SEPTIN10: variants seen among roughly 807,000 people sequenced by gnomAD.
SEPTIN10 encodes septin 10, also known as septin-10.
Under a neutral mutation model 54.8 loss-of-function variants are expected in SEPTIN10, and 66 were observed. The ratio of observed to expected loss-of-function variants is 1.21; its 90% confidence interval spans 0.99 to 1.48. The LOEUF (loss-of-function observed/expected upper bound fraction) is 1.48, where lower values mean the gene tolerates loss of function less well. Among genes scored for constraint, SEPTIN10 ranks in the 40% most tolerant of loss-of-function variants. SEPTIN10 has a pLI of 0.00. For synonymous variants in SEPTIN10, 161 were observed against 181.0 expected (o/e 0.89, Z 0.89); for missense variants, 620 against 545.6 (o/e 1.14, Z -1.36).
rs577629275 is a variant in SEPTIN10 at position 109,576,104 on chromosome 2, AC to A, written c.414-1338del. On this transcript the variant is annotated intron_variant, in intron 4 of 10. Coordinates refer to ENST00000397712, the MANE Select transcript of SEPTIN10 (RefSeq NM_144710.5). ...GCGAGACCCCCATCTCTACTAAAAA[AC>A]TTTAAAAATCAGCCAGGCATTGTGA... Among the ~76,000 whole-genome samples, 268 of 152,146 alleles carry A rather than the reference AC, an allele frequency of 1.8e-3. 1 individual carries two copies. Among genetic ancestry groups the A allele is most frequent in the Admixed American group, 1.8e-3 (28 of 15,274 alleles).
chr2:109,595,545 G>T (rs1423112489), intron 1 of SEPTIN10, among the ~76,000 whole-genome samples: 1 of 152,154 alleles, frequency 6.6e-6, no homozygotes, highest in African/African-American at 2.4e-5. Context: ...GGTGGTTACA[G>T]AAATTTGGAG....
At chr2:109,609,857 T>G (rs1042199330) in intron 1 of SEPTIN10, among the ~76,000 whole-genome samples, 1 of 152,138 alleles carries the variant, frequency 6.6e-6, no homozygotes, top group African/African-American at 2.4e-5. Flanking sequence ...TGGAAAATTA[T>G]GGCTGTGTTT....
At chr2:109,610,923 G>C (rs983097994) in intron 1 of SEPTIN10, among the ~76,000 whole-genome samples, 1 of 152,184 alleles carries the variant, frequency 6.6e-6, no homozygotes, top group Admixed American at 6.5e-5. Flanking sequence ...ATCTGGGGGA[G>C]AGAAGAATAA....
At chr2:109,599,926 T>C (rs1026209904) in intron 1 of SEPTIN10, among the ~76,000 whole-genome samples, 5 of 152,230 alleles carry the variant, frequency 3.3e-5, no homozygotes, top group Non-Finnish European at 5.9e-5. Context: ...TTACTAACAC[T>C]ACAACGAACT....
At chr2:109,545,323 A>C in intron 10 of SEPTIN10, 7 of 1,483,700 alleles carry the variant, frequency 4.7e-6, no homozygotes, top group Admixed American at 2.2e-5. Flanking sequence ...ACAGAAGGAA[A>C]TTATCAAAAA....
chr2:109,613,113 A>T (rs1248844564), intron 1 of SEPTIN10: 2 of 1,177,080 alleles, frequency 1.7e-6, no homozygotes, highest in South Asian at 1.3e-5. Flanking sequence ...ACTCCATACC[A>T]TGTAGCCTTT....
intron 8 of SEPTIN10, among the ~76,000 whole-genome samples, chr2:109,559,757 T>C (rs1685192005): frequency 6.6e-6 from 1 of 152,184 alleles, no homozygotes; most frequent in South Asian, 2.1e-4. Flanking sequence ...ATTCTTTCCC[T>C]GGACTATGAA....
rs980054928 is a variant in SEPTIN10 at position 109,544,342 on chromosome 2, C to A, written c.1350-18G>T. On this transcript the variant is annotated intron_variant, in intron 10 of 10. Transcript: ENST00000397712. ...AATTGGAGCTGGAAAGAAAAAGAAC[C>A]TTTTGATTGGTACAATTTAAAAAAA... is the stretch of plus-strand genomic sequence containing the variant. 6.3e-7 allele frequency: 1 copy of A among 1,579,242 alleles called. No individual in the cohort carries two copies. The highest frequency in any genetic ancestry group is 8.5e-7 in the Non-Finnish European group (1 of 1,170,288).
At chr2:109,555,234 T>G (rs1457336835) in intron 8 of SEPTIN10, among the ~76,000 whole-genome samples, 1 of 152,170 alleles carries the variant, frequency 6.6e-6, no homozygotes, top group African/African-American at 2.4e-5. Context: ...TCAAGAAACT[T>G]TATAATCTCT....
At chr2:109,565,390 A>T (rs1686727536) in intron 7 of SEPTIN10, among the ~76,000 whole-genome samples, 1 of 152,288 alleles carries the variant, frequency 6.6e-6, no homozygotes, top group East Asian at 1.9e-4. Flanking sequence ...CTTATTCTGG[A>T]AATAGCCGGC....
intron 1 of SEPTIN10, among the ~76,000 whole-genome samples, chr2:109,610,546 G>A (rs1384328813): frequency 6.6e-6 from 1 of 152,014 alleles, no homozygotes; most frequent in Non-Finnish European, 1.5e-5. Flanking sequence ...GAAACCCTGT[G>A]TCTACTAAAA....
chr2:109,610,830 G>A (rs549756230), intron 1 of SEPTIN10, among the ~76,000 whole-genome samples: 7 of 152,216 alleles, frequency 4.6e-5, no homozygotes, highest in South Asian at 4.1e-4. Context: ...AATTCCTCTC[G>A]AATCCCAGCA....
chr2:109,565,568 G>A (rs907085427), intron 7 of SEPTIN10, among the ~76,000 whole-genome samples, 195 bp downstream of exon 7: 12 of 152,112 alleles, frequency 7.9e-5, no homozygotes, highest in Non-Finnish European at 1.6e-4. Context: ...CGTGGGGGCG[G>A]GGGTAATGTG....
intron 4 of SEPTIN10, among the ~76,000 whole-genome samples, chr2:109,578,604 T>C (rs1690304745): frequency 6.6e-6 from 1 of 151,970 alleles, no homozygotes; most frequent in South Asian, 2.1e-4. Context: ...CCATCTCTAC[T>C]AAAAATACAA....
Position 109,546,195 on chromosome 2 carries a change from C to A in SEPTIN10, c.1204G>T (p.Glu402Ter), listed in dbSNP as rs1376002315. 1.2e-6 allele frequency: 2 copies of A among 1,604,624 alleles called. No homozygotes were observed. Among genetic ancestry groups the A allele is most frequent in the Non-Finnish European group, 1.7e-6 (2 of 1,176,398 alleles). Residue 402 changes from glutamate (E) to a stop codon, truncating the protein, a stop_gained, in exon 10 of 11, where the codon GAG becomes TAG. Transcript: ENST00000397712. LOFTEE classifies it high-confidence loss of function. Reference protein sequence around the residue: ...FEHLKRLHQEERMKLEEKRRL... With the variant: ...FEHLKRLHQE ...CTCTTTTCTTCAAGCTTCATTCTCT[C>A]TTCTTGGTGAAGTCTCTTAAGGTGC...
chr2:109,608,621 A>G (rs1028519831), intron 1 of SEPTIN10, among the ~76,000 whole-genome samples: 1 of 152,222 alleles, frequency 6.6e-6, no homozygotes, highest in African/African-American at 2.4e-5. Context: ...TAATACCAAC[A>G]AAGTATAAGT....
intron 4 of SEPTIN10, among the ~76,000 whole-genome samples, chr2:109,582,046 G>A (rs7596172): frequency 0.46 from 68,760 of 150,862 alleles, 16,085 homozygotes; most frequent in African/African-American, 0.56. Flanking sequence ...GCTGAGAGCC[G>A]TATCAAGAAC....
At chr2:109,592,389 C>T (rs772056280) in intron 2 of SEPTIN10, among the ~76,000 whole-genome samples, 6 of 152,014 alleles carry the variant, frequency 3.9e-5, no homozygotes, top group Non-Finnish European at 5.9e-5. Context: ...TGCTTGAACC[C>T]GGGAGGCAGA....
chr2:109,578,505 C>T (rs953494436), intron 4 of SEPTIN10, among the ~76,000 whole-genome samples: 4 of 146,538 alleles, frequency 2.7e-5, no homozygotes, highest in African/African-American at 1.0e-4. Context: ...CAGGCTCATG[C>T]CTGTAATCCC....
Sources: allele counts gnomAD v4.1 joint callset (sites outside exome capture counted in the v4.1 genomes callset), GRCh38; gene constraint gnomAD v4.1.1; transcripts MANE v1.5; gene names NCBI Gene and HGNC (gene_info 2026-07-23, HGNC 2026-07-21).